The following SYNGR3 variants were observed in gnomAD, a reference collection of about 807,000 sequenced individuals.
SYNGR3 encodes the protein synaptogyrin-3.
Under a neutral mutation model 18.5 loss-of-function variants are expected in SYNGR3, and 10 were observed. The ratio of observed to expected loss-of-function variants is 0.54; its 90% CI spans 0.33 to 0.92. SYNGR3 has a LOEUF of 0.92. Among genes scored for constraint, SYNGR3 ranks in the 40% least tolerant of loss-of-function variants. SYNGR3 has a pLI of 0.02. For synonymous variants in SYNGR3, 188 were observed against 157.2 expected, an observed-to-expected ratio of 1.20 and a Z score of -1.47; for missense variants, 335 against 332.8, an observed-to-expected ratio of 1.01 and a Z score of -0.05.
Position 1,993,681 on chromosome 16 carries a change from G to C in SYNGR3, c.*609G>C. On this transcript the variant is annotated 3_prime_UTR_variant, in exon 4 of 4. Coordinates refer to ENST00000248121, the MANE Select transcript of SYNGR3 (RefSeq NM_004209.6). ...TACTCCACAAGCTGCTCCTCTCTCT[G>C]TGGCCCCGGCCCCTGCCCAGGTGTG... 2 of 431,620 alleles carry C rather than the reference G, an allele frequency of 4.6e-6. No individual in the cohort carries two copies. Among genetic ancestry groups the C allele is most frequent in the South Asian group, 3.3e-5 (2 of 59,774 alleles). 26.7% of individuals were successfully genotyped at this position (431,620 alleles called of 1,614,324 possible).
rs199784173 is a variant in SYNGR3, at chr16:1,992,085, G to A, written c.211G>A (p.Gly71Ser). The A allele has an allele frequency of 4.8e-4, 755 of 1,575,994 alleles. 4 individuals are homozygous for A. The African/African-American group carries it at 8.8e-3, about 18-fold the overall frequency. The stretch of plus-strand genomic sequence containing the variant: ...CGGGAACGCGGGCGCCTGCCGCTTC[G>A]GCGTCGCGCTGGGCCTCGGAGCCTT... Reference protein sequence around the residue: ...FNGNAGACRFGVALGLGAFLA... With the variant: ...FNGNAGACRFSVALGLGAFLA... The change falls in exon 2 of 4, where the codon GGC becomes AGC. Residue 71 changes from glycine to serine, a missense_variant. Gly to Ser is a moderately conservative substitution (Grantham distance 56). Coordinates refer to ENST00000248121, the MANE Select transcript of SYNGR3 (RefSeq NM_004209.6).
At position 1,993,248 on chromosome 16, in the gene SYNGR3, T is replaced by G; in HGVS notation, c.*176T>G. 1 of 751,314 alleles carries G rather than the reference T, an allele frequency of 1.3e-6. No individual in the cohort carries two copies. Among genetic ancestry groups the G allele is most frequent in the Non-Finnish European group, 2.1e-6 (1 of 466,010 alleles). The allele number at this position is 751,314 out of a possible 1,614,324, so 46.5% of individuals were successfully genotyped here. On this transcript the variant is annotated 3_prime_UTR_variant, in exon 4 of 4. Coordinates refer to ENST00000248121, the MANE Select transcript of SYNGR3 (RefSeq NM_004209.6). ...GCGTGTCTGGGCTGCCCCTGCCAAG[T>G]TCCCCCAGTCCCTCAGCACCTGGCC...
chr16:1,991,797 G>C (rs1157456364), intron 1 of SYNGR3, 177 bp from the exon 2 acceptor site: 2 of 578,168 alleles, frequency 3.5e-6, no homozygotes, highest in Non-Finnish European at 6.0e-6. Flanking sequence ...CTCACTAAAC[G>C]GCCCGTGTTG....
chr16:1,991,918 G>A (rs2083605875), intron 1 of SYNGR3, 56 bp from the exon 2 acceptor site: 47 of 1,488,236 alleles, frequency 3.2e-5, no homozygotes, highest in Non-Finnish European at 3.9e-5. Flanking sequence ...GGGCGCTCGA[G>A]GCGGGCTCGC....
intron 2 of SYNGR3, 190 bp from the exon 3 acceptor site, chr16:1,992,445 TG>T: frequency 1.3e-6 from 1 of 761,808 alleles, no homozygotes; most frequent in Non-Finnish European, 1.8e-6. Flanking sequence ...GGGCGGAGCC[TG>T]GGCGCGGAAC....
intron 1 of SYNGR3, chr16:1,991,104 C>T (rs573596150): frequency 2.6e-5 from 4 of 152,630 alleles, no homozygotes; most frequent in Non-Finnish European, 5.9e-5. Flanking sequence ...GAGGTCGTTT[C>T]TTGGAAACAC....
chr16:1,990,462 C>T (rs549017061), intron 1 of SYNGR3: 5 of 544,702 alleles, frequency 9.2e-6, no homozygotes, highest in Admixed American at 7.5e-5. Context: ...TCTACCCCTA[C>T]CTCCTCCCCG....
rs773729883 is a variant in SYNGR3 at position 1,992,102 on chromosome 16, C to T, written c.228C>T (p.Leu76=). 3.8e-6 allele frequency: 6 copies of T among 1,572,520 alleles called. No individual in the cohort carries two copies. The East Asian group carries it at 9.5e-5, about 25-fold the overall frequency. Reference sequence around the variant, plus strand: ...GCCGCTTCGGCGTCGCGCTGGGCCTCGGAGCCTTCCTCGCCTGCGCCGCCT... The same window carrying T: ...GCCGCTTCGGCGTCGCGCTGGGCCTTGGAGCCTTCCTCGCCTGCGCCGCCT... The part of the protein sequence containing the change: ...GACRFGVALG[L]GAFLACAAFL... Residue 76 remains leucine (L), a synonymous_variant, in exon 2 of 4, where the codon CTC becomes CTT. Transcript: ENST00000248121.
chr16:1,991,915 C>G (rs1249707371), intron 1 of SYNGR3, 59 bp from the exon 2 acceptor site: 67 of 1,471,250 alleles, frequency 4.6e-5, no homozygotes, highest in Non-Finnish European at 5.7e-5. Context: ...CGTGGGCGCT[C>G]GAGGCGGGCT....
intron 1 of SYNGR3, chr16:1,990,820 C>T: frequency 4.9e-6 from 1 of 202,312 alleles, no homozygotes; most frequent in Non-Finnish European, 1.1e-5. Context: ...CAGTTGGGTG[C>T]CGAGCTCTGG....
chr16:1,991,416 G>A (rs1344380169), intron 1 of SYNGR3: 2 of 153,962 alleles, frequency 1.3e-5, no homozygotes, highest in African/African-American at 4.8e-5. Context: ...CGCGCAGGAA[G>A]CAACAGCTCC....
At chr16:1,992,809 A>G (rs773417561) in intron 3 of SYNGR3, 31 bp downstream of exon 3, 1 of 1,505,988 alleles carries the variant, frequency 6.6e-7, no homozygotes, top group Non-Finnish European at 8.8e-7. Flanking sequence ...GGCGGGGCGA[A>G]GGGGCGGGCG....
Position 1,992,012 on chromosome 16 carries a change from G to A in SYNGR3, c.138G>A (p.Glu46=), listed in dbSNP as rs762697488. The A allele has an allele frequency of 1.9e-6, 3 of 1,593,132 alleles. No individual in the cohort carries two copies. The highest frequency in any genetic ancestry group is 2.3e-5 in the South Asian group (2 of 88,674). ...SIAVFGPIVN[E]GYVNTDSGPE... ...CCGTCTTCGGGCCCATCGTCAACGA[G>A]GGCTACGTGAACACCGACAGCGGCC... Residue 46 remains glutamate (E), a synonymous_variant, in exon 2 of 4, where the codon GAG becomes GAA. Transcript: ENST00000248121.
Position 1,993,210 on chromosome 16 carries a change from AG to A in SYNGR3, c.*143del. 2 of 1,129,422 alleles carry A rather than the reference AG, an allele frequency of 1.8e-6. No individual in the cohort carries two copies. Among genetic ancestry groups the A allele is most frequent in the Non-Finnish European group, 1.2e-6 (1 of 804,152 alleles). 70.0% of individuals were successfully genotyped at this position (1,129,422 alleles called of 1,614,324 possible). A position where few individuals can be genotyped will look rare whatever the true frequency, so the allele number is the denominator to read the frequency against. ...CCGCTTTGCGCCATCCGGGGCCAAG[AG>A]GGGGTGGACCCGCGTGTCTGGGCTG... On this transcript the variant is annotated 3_prime_UTR_variant, in exon 4 of 4. Transcript: ENST00000248121.
rs775363183 is a variant in SYNGR3 at position 1,992,937 on chromosome 16, G to A, written c.555G>A (p.Leu185=). 8 of 1,611,220 alleles carry A rather than the reference G, an allele frequency of 5.0e-6. No homozygotes were observed. In the African/African-American group the frequency reaches 1.1e-4, roughly 22 times the overall value. ...TGTCACTCTTCGCCACCGAACAGCT[G>A]AGCACCGGGGCGAGCCAGGCCTACC... is the stretch of plus-strand genomic sequence containing the variant. The part of the protein sequence containing the change: ...TDMSLFATEQ[L]STGASQAYPG... Residue 185 remains leucine, a synonymous_variant, in exon 4 of 4, where the codon CTG becomes CTA. Coordinates refer to ENST00000248121, the MANE Select transcript of SYNGR3 (RefSeq NM_004209.6).
rs1252408026 is a variant in SYNGR3, at chr16:1,993,474, C to T, written c.*402C>T. The T allele has an allele frequency of 8.2e-6, 4 of 486,538 alleles. No homozygotes were observed. In the Admixed American group the frequency reaches 9.2e-5, roughly 11 times the overall value. 30.1% of individuals were successfully genotyped at this position (486,538 alleles called of 1,614,324 possible). On this transcript the variant is annotated 3_prime_UTR_variant, in exon 4 of 4. Coordinates refer to ENST00000248121, the MANE Select transcript of SYNGR3 (RefSeq NM_004209.6). ...CAGGGGAAAGACACCACCCTCGCCC[C>T]AAGACTGGGGATCCTGGCCACTGTT...
Position 1,994,187 on chromosome 16 carries a change from C to A in SYNGR3, c.*1115C>A, listed in dbSNP as rs928166352. ...TTTGTATATATCACTCTCTCCCTCT[C>A]CTGAAAGACCAGAGATTGTGTATTT... On this transcript the variant is annotated 3_prime_UTR_variant, in exon 4 of 4. Transcript: ENST00000248121. The A allele has an allele frequency of 6.5e-6, 1 of 154,036 alleles. No individual in the cohort carries two copies. Among genetic ancestry groups the A allele is most frequent in the Non-Finnish European group, 1.5e-5 (1 of 68,866 alleles). 9.5% of individuals were successfully genotyped at this position (154,036 alleles called of 1,614,324 possible).
rs1484786522 is a variant in SYNGR3, at chr16:1,992,974, G to A, written c.592G>A (p.Val198Met). 4 of 1,611,942 alleles carry A rather than the reference G, an allele frequency of 2.5e-6. No individual in the cohort carries two copies. Among genetic ancestry groups the A allele is most frequent in the South Asian group, 1.1e-5 (1 of 91,002 alleles). ...GAGCCAGGCCTACCCCGGCTATCCG[G>A]TGGGCAGCGGCGTGGAGGGCACCGA... is the stretch of plus-strand genomic sequence containing the variant. ...GASQAYPGYP[V>M]GSGVEGTETY... Residue 198 changes from valine (V) to methionine (M), a missense_variant, in exon 4 of 4, where the codon GTG becomes ATG. Transcript: ENST00000248121.
chr16:1,989,998 C>T lies in SYNGR3; in HGVS notation c.-105C>T. Reference sequence around the variant, plus strand: ...GCGGCAGCGGCTGCAGCGTTGGTAGCATCAGCATCAGCATCAGCGGCAGCG... The same window carrying T: ...GCGGCAGCGGCTGCAGCGTTGGTAGTATCAGCATCAGCATCAGCGGCAGCG... On this transcript the variant is annotated 5_prime_UTR_variant, in exon 1 of 4. Coordinates refer to ENST00000248121, the MANE Select transcript of SYNGR3 (RefSeq NM_004209.6). 3.1e-6 allele frequency: 1 copy of T among 325,366 alleles called. No individual in the cohort carries two copies. Among genetic ancestry groups the T allele is most frequent in the East Asian group, 6.6e-5 (1 of 15,202 alleles). The allele number at this position is 325,366 out of a possible 1,614,324, so 20.2% of individuals were successfully genotyped here.
Sources: gnomAD v4.1 joint callset for allele counts on GRCh38, gnomAD v4.1.1 for gene constraint, MANE v1.5 for transcripts, NCBI Gene and HGNC (gene_info 2026-07-23, HGNC 2026-07-21) for gene names.